The following SNRPA1 variants were observed in gnomAD, a reference collection of about 807,000 sequenced individuals.
SNRPA1 encodes the protein U2 small nuclear ribonucleoprotein A'.
A neutral mutation model predicts 32.3 loss-of-function variants in SNRPA1; 5 were observed. That is an observed-to-expected ratio of 0.15 (90% CI 0.08 to 0.33). SNRPA1 has a LOEUF of 0.33. Among genes scored for constraint, SNRPA1 ranks in the 10% least tolerant of loss-of-function variants. SNRPA1 has a pLI of 1.00. For missense variants in SNRPA1, 198 were observed against 311.1 expected (o/e 0.64, Z 2.74); for synonymous variants, 111 against 120.1 (o/e 0.92, Z 0.50).
At chr15:101,291,899 G>C in intron 3 of SNRPA1, 63 bp downstream of exon 3, 1 of 1,011,602 alleles carries the variant, frequency 9.9e-7, no homozygotes. Context: ...TAAATTTTCT[G>C]TAGGAAGCAC....
intron 3 of SNRPA1, among the ~76,000 whole-genome samples, chr15:101,289,285 T>C (rs2039493367): frequency 1.3e-5 from 2 of 152,250 alleles, no homozygotes; most frequent in African/African-American, 4.8e-5. Flanking sequence ...GTCACTGTAC[T>C]GTATTGTTTA....
chr15:101,291,160 C>A (rs1246348691), intron 3 of SNRPA1, among the ~76,000 whole-genome samples: 2 of 152,362 alleles, frequency 1.3e-5, no homozygotes, highest in Middle Eastern at 3.4e-3. Flanking sequence ...GGATTACAGG[C>A]ATGAGCTATG....
At chr15:101,282,509 T>C in intron 8 of SNRPA1, among the ~76,000 whole-genome samples, 1 of 152,232 alleles carries the variant, frequency 6.6e-6, no homozygotes, top group Non-Finnish European at 1.5e-5. Flanking sequence ...TCTTTTTAGA[T>C]ACTATGCTAA....
chr15:101,295,138 T>C lies in SNRPA1; in HGVS notation c.41A>G (p.Gln14Arg), dbSNP rs755005074. 1.3e-6 allele frequency: 2 copies of C among 1,556,522 alleles called. No homozygotes were observed. Among genetic ancestry groups the C allele is most frequent in the Admixed American group, 3.7e-5 (2 of 54,022 alleles). ...CCGGTCGCGCACCGCGTTGGTGTAC[T>C]GCGCCGCCTGCTCGATCAGCTCCGC... Reference protein sequence around the residue: ...LTAELIEQAAQYTNAVRDREL... With the variant: ...LTAELIEQAARYTNAVRDREL... Residue 14 changes from glutamine to arginine, a missense_variant, in exon 1 of 9, where the codon CAG becomes CGG. Physicochemically the swap from Gln to Arg is conservative, Grantham distance 43. Around this residue, in one of 3 missense-constraint regions of SNRPA1, gnomAD observed 119 missense variants for 171.6 expected, o/e 0.69. Coordinates refer to ENST00000254193, the MANE Select transcript of SNRPA1 (RefSeq NM_003090.4).
chr15:101,289,924 T>TTAAAAAAAAAAAAAAAAA (rs2039500936), intron 3 of SNRPA1: 1 of 41,288 alleles, frequency 2.4e-5, no homozygotes, highest in Non-Finnish European at 3.8e-5. Flanking sequence ...CCACTCCATC[T>TTAAAAAAAAAAAAAAAAA]CAAAAAAAAA....
rs1158408566 is a variant in SNRPA1 at position 101,292,013 on chromosome 15, A to G, written c.258T>C (p.Ala86=). The change falls in exon 3 of 9, where the codon GCT becomes GCC. Residue 86 remains alanine (A), a synonymous_variant. Coordinates refer to ENST00000254193, the MANE Select transcript of SNRPA1 (RefSeq NM_003090.4). ...GAATGAGTTCTGTCAGACAGGGCAG[A>G]GCCTGATCAAGTCCCTCACCTATAC... ...ICRIGEGLDQ[A]LPCLTELILT... 2 of 1,612,872 alleles carry G rather than the reference A, an allele frequency of 1.2e-6. No individual in the cohort carries two copies. Among genetic ancestry groups the G allele is most frequent in the Non-Finnish European group, 1.7e-6 (2 of 1,178,848 alleles).
chr15:101,287,428 T>C (rs1324566803), intron 4 of SNRPA1, among the ~76,000 whole-genome samples: 1 of 151,820 alleles, frequency 6.6e-6, no homozygotes, highest in Non-Finnish European at 1.5e-5. Flanking sequence ...AGTGAGAACA[T>C]GGGGTGTTTG....
intron 1 of SNRPA1, among the ~76,000 whole-genome samples, chr15:101,294,393 G>A (rs976363949): frequency 6.6e-6 from 1 of 152,190 alleles, no homozygotes; most frequent in Non-Finnish European, 1.5e-5. Context: ...GCTCTATCAC[G>A]TCCCTTTTAA....
rs2039395859 is a variant in SNRPA1, at chr15:101,281,668, T to C, written c.*56A>G. ...ACACAAACAAGGCTATTATACCATG[T>C]TCGAAAAGCAAGACTTGTTCCAAGA... On this transcript the variant is annotated 3_prime_UTR_variant, in exon 9 of 9. Coordinates refer to ENST00000254193, the MANE Select transcript of SNRPA1 (RefSeq NM_003090.4). 1 of 1,341,300 alleles carries C rather than the reference T, an allele frequency of 7.5e-7. No individual in the cohort carries two copies. 83.1% of individuals were successfully genotyped at this position (1,341,300 alleles called of 1,614,324 possible).
Position 101,287,870 on chromosome 15 carries a change from C to T in SNRPA1, c.310-168G>A, listed in dbSNP as rs528145390. 65 of 612,914 alleles carry T rather than the reference C, an allele frequency of 1.1e-4. 1 individual carries two copies. The South Asian group carries it at 1.2e-3, about 11-fold the overall frequency. The allele number at this position is 612,914 out of a possible 1,614,324, so 38.0% of individuals were successfully genotyped here. ...TCACAAATGTTTAAATAATTTCTACCGATGAATACATGGGAGCTTCTTAAA... is the reference window on the plus strand; with the variant it reads ...TCACAAATGTTTAAATAATTTCTACTGATGAATACATGGGAGCTTCTTAAA... On this transcript the variant is annotated intron_variant, in intron 3 of 8. Coordinates refer to ENST00000254193, the MANE Select transcript of SNRPA1 (RefSeq NM_003090.4).
chr15:101,293,263 C>G (rs1325319867), intron 1 of SNRPA1, 91 bp from the exon 2 acceptor site: 2 of 868,134 alleles, frequency 2.3e-6, no homozygotes, highest in Non-Finnish European at 3.4e-6. Context: ...GTATCTGACT[C>G]CAGGCTTTGA....
intron 3 of SNRPA1, among the ~76,000 whole-genome samples, chr15:101,290,657 G>A (rs746774038): frequency 1.1e-4 from 17 of 150,266 alleles, no homozygotes; most frequent in Non-Finnish European, 1.9e-4. Context: ...CTGCAGCCTC[G>A]ACTGATGGCT....
intron 8 of SNRPA1, 35 bp downstream of exon 8, chr15:101,284,932 T>C (rs374558753): frequency 6.6e-6 from 10 of 1,512,982 alleles, no homozygotes; most frequent in South Asian, 5.6e-5. Context: ...GAGTGTAACA[T>C]TAATTTGAAC....
At chr15:101,287,188 T>G (rs2039465175) in intron 4 of SNRPA1, among the ~76,000 whole-genome samples, 178 bp from the exon 5 acceptor site, 1 of 152,270 alleles carries the variant, frequency 6.6e-6, no homozygotes. Flanking sequence ...AAAGGCACTT[T>G]TTTTTTAAAT....
intron 3 of SNRPA1, among the ~76,000 whole-genome samples, chr15:101,291,759 C>T (rs73487242): frequency 0.014 from 2,144 of 152,274 alleles, 53 homozygotes; most frequent in African/African-American, 0.048. Context: ...TCTAACAAGA[C>T]ATCCTAAGTC....
intron 5 of SNRPA1, 166 bp downstream of exon 5, chr15:101,286,742 A>G (rs1214364672): frequency 5.4e-6 from 3 of 556,318 alleles, no homozygotes; most frequent in Non-Finnish European, 9.6e-6. Flanking sequence ...GTTCTATCAT[A>G]AACTCTGCTA....
rs1231556571 is a variant in SNRPA1 at position 101,285,710 on chromosome 15, C to A, written c.615+16G>T. 3 of 1,589,652 alleles carry A rather than the reference C, an allele frequency of 1.9e-6. No individual in the cohort carries two copies. The highest frequency in any genetic ancestry group is 2.6e-6 in the Non-Finnish European group (3 of 1,157,852). The stretch of plus-strand genomic sequence containing the variant: ...TCTTAGCTCATTCCAGTCCAAGAAT[C>A]CTAACACATGATTACCTTGATTGCT... On this transcript the variant is annotated intron_variant, in intron 7 of 8. Transcript: ENST00000254193.
At chr15:101,285,974 G>C in intron 6 of SNRPA1, 173 bp from the exon 7 acceptor site, 2 of 633,378 alleles carry the variant, frequency 3.2e-6, no homozygotes, top group Non-Finnish European at 2.8e-6. Flanking sequence ...TTCCTATATA[G>C]AAAATAGGAT....
Position 101,293,150 on chromosome 15 carries a change from T to C in SNRPA1, c.105A>G (p.Glu35=). ...ACTGGTCTAACGTAGCACCTAGATT[T>C]TCAATGACGGGAATTTTATACCCTA... ...DLRGYKIPVI[E]NLGATLDQFD... The change falls in exon 2 of 9, where the codon GAA becomes GAG. Residue 35 remains glutamate, a synonymous_variant. Transcript: ENST00000254193. 1 of 1,609,710 alleles carries C rather than the reference T, an allele frequency of 6.2e-7. No individual in the cohort carries two copies. Among genetic ancestry groups the C allele is most frequent in the Non-Finnish European group, 8.5e-7 (1 of 1,177,522 alleles).
Sources: allele counts gnomAD v4.1 joint callset (sites outside exome capture counted in the v4.1 genomes callset), GRCh38; gene constraint gnomAD v4.1.1; regional missense constraint gnomAD v4.1.1; transcripts MANE v1.5; gene names NCBI Gene and HGNC (gene_info 2026-07-23, HGNC 2026-07-21).